MXI1: variants seen among roughly 807,000 people sequenced by gnomAD.
MXI1 encodes max-interacting protein 1.
Under a neutral mutation model 36.9 loss-of-function variants are expected in MXI1, and 18 were observed. That is an observed-to-expected ratio of 0.49 (90% CI 0.34 to 0.72). The LOEUF (loss-of-function observed/expected upper bound fraction) is 0.72, where lower values mean the gene tolerates loss of function less well. Among genes scored for constraint, MXI1 ranks in the 30% least tolerant of loss-of-function variants. The pLI, the probability that MXI1 is intolerant of heterozygous loss-of-function variation, is 0.01. For missense variants in MXI1, 304 were observed against 379.1 expected, an observed-to-expected ratio of 0.80 and a Z score of 1.64; for synonymous variants, 160 against 146.7, an observed-to-expected ratio of 1.09 and a Z score of -0.65.
rs112353989 is a variant in MXI1, at chr10:110,249,599, C to T, written c.437+4742C>T. ...GTCAAAAAAAAAAAAAAAGAAGGTA[C>T]ACTAATAGTGTTTTTCATACTGAAA... On this transcript the variant is annotated intron_variant, in intron 3 of 5. Coordinates refer to ENST00000332674, the MANE Select transcript of MXI1 (RefSeq NM_130439.3). Among the ~76,000 whole-genome samples the T allele has an allele frequency of 2.9e-3, 430 of 149,604 alleles. 1 individual carries two copies. Among genetic ancestry groups the T allele is most frequent in the Non-Finnish European group, 4.2e-3 (285 of 67,538 alleles).
At chr10:110,210,897 A>G (rs751938316) in intron 1 of MXI1, among the ~76,000 whole-genome samples, 16 of 152,174 alleles carry the variant, frequency 1.1e-4, no homozygotes, top group Non-Finnish European at 2.1e-4. Context: ...GTTTTGCTCC[A>G]GAGCTCTGCT....
intron 3 of MXI1, among the ~76,000 whole-genome samples, chr10:110,248,698 C>G (rs1224424365): frequency 2.0e-5 from 3 of 152,008 alleles, no homozygotes; most frequent in Non-Finnish European, 4.4e-5. Flanking sequence ...TTTATTAGCC[C>G]AAAGGACTAA....
At chr10:110,275,770 T>G (rs1209723551) in intron 3 of MXI1, among the ~76,000 whole-genome samples, 1 of 152,218 alleles carries the variant, frequency 6.6e-6, no homozygotes, top group Non-Finnish European at 1.5e-5. Context: ...CAGGTACACC[T>G]CTGTCCACAA....
rs974226066 is a variant in MXI1, at chr10:110,226,007, G to A, written c.275-2182G>A. 3 of 982,666 alleles carry A rather than the reference G, an allele frequency of 3.1e-6. No individual in the cohort carries two copies. In the African/African-American group the frequency reaches 5.3e-5, roughly 17 times the overall value. The allele number at this position is 982,666 out of a possible 1,614,324, so 60.9% of individuals were successfully genotyped here. A position where few individuals can be genotyped will look rare whatever the true frequency, so the allele number is the denominator to read the frequency against. On this transcript the variant is annotated intron_variant, in intron 1 of 5. Transcript: ENST00000332674. The stretch of plus-strand genomic sequence containing the variant: ...TCGCGGGGAGAGGTAAACAAACCAC[G>A]CGCGGGCTGCCCGCGGCACGGCGGG...
In MXI1 at chr10:110,285,747, T is replaced by C. The variant is rs1294842201; in HGVS notation, c.*760T>C. 2 of 152,284 alleles carry C rather than the reference T, an allele frequency of 1.3e-5. No homozygotes were observed. Among genetic ancestry groups the C allele is most frequent in the South Asian group, 2.1e-4 (1 of 4,828 alleles). 9.4% of individuals were successfully genotyped at this position (152,284 alleles called of 1,614,324 possible). ...AGCAGTCCATGCATGACAGCCTCTA[T>C]CCTACAAGGCCTATGAGTATGGATT... On this transcript the variant is annotated 3_prime_UTR_variant, in exon 6 of 6. Coordinates refer to ENST00000332674, the MANE Select transcript of MXI1 (RefSeq NM_130439.3).
chr10:110,260,067 A>G (rs1197171227), intron 3 of MXI1, among the ~76,000 whole-genome samples: 1 of 152,066 alleles, frequency 6.6e-6, no homozygotes, highest in Non-Finnish European at 1.5e-5. Flanking sequence ...AGGTTTTAAT[A>G]CTAAACATGA....
At chr10:110,227,286 C>A in intron 1 of MXI1, 1 of 731,280 alleles carries the variant, frequency 1.4e-6, no homozygotes, top group African/African-American at 5.2e-5. Context: ...GTGGGAGGGG[C>A]GTGCGCGTGT....
chr10:110,226,065 C>A, intron 1 of MXI1: 1 of 1,014,606 alleles, frequency 9.9e-7, no homozygotes, highest in African/African-American at 1.7e-5. Flanking sequence ...GCAGGGGCGG[C>A]GGAGAGCGCG....
At chr10:110,238,941 C>T (rs955886130) in intron 2 of MXI1, among the ~76,000 whole-genome samples, 1 of 152,090 alleles carries the variant, frequency 6.6e-6, no homozygotes, top group African/African-American at 2.4e-5. Context: ...ACTCTTGATA[C>T]TGTTTTTGTA....
chr10:110,282,938 A>G (rs1383272328), intron 5 of MXI1, among the ~76,000 whole-genome samples: 2 of 152,044 alleles, frequency 1.3e-5, no homozygotes, highest in Non-Finnish European at 2.9e-5. Flanking sequence ...TTGGCTTCCC[A>G]AAGTGCTGGG....
At chr10:110,232,207 G>A (rs1383744121) in intron 2 of MXI1, among the ~76,000 whole-genome samples, 2 of 152,076 alleles carry the variant, frequency 1.3e-5, no homozygotes, top group Non-Finnish European at 1.5e-5. Flanking sequence ...TGAACCGCCC[G>A]GCTTGGCCTC....
intron 5 of MXI1, among the ~76,000 whole-genome samples, chr10:110,283,044 T>C (rs554300188): frequency 6.6e-6 from 1 of 152,246 alleles, no homozygotes; most frequent in South Asian, 2.1e-4. Context: ...TATTATCTTC[T>C]AGTTGTAGGT....
intron 3 of MXI1, among the ~76,000 whole-genome samples, chr10:110,261,696 T>C (rs1856518494): frequency 1.3e-5 from 2 of 152,100 alleles, no homozygotes; most frequent in Admixed American, 1.3e-4. Context: ...ATTTCCAGTA[T>C]ACCATTGTGA....
chr10:110,258,844 A>G (rs1251865290), intron 3 of MXI1, among the ~76,000 whole-genome samples: 1 of 152,186 alleles, frequency 6.6e-6, no homozygotes, highest in East Asian at 1.9e-4. Context: ...TTTGTTAGAA[A>G]TAGTTCATTA....
intron 3 of MXI1, among the ~76,000 whole-genome samples, chr10:110,256,892 A>T (rs1202230841): frequency 1.3e-5 from 2 of 152,200 alleles, no homozygotes; most frequent in Non-Finnish European, 2.9e-5. Flanking sequence ...ACACTTTGCA[A>T]TTACTTAAGA....
chr10:110,276,226 G>T (rs901619919), intron 3 of MXI1, among the ~76,000 whole-genome samples: 1 of 151,682 alleles, frequency 6.6e-6, no homozygotes, highest in African/African-American at 2.4e-5. Flanking sequence ...GAAAATCCTC[G>T]CTTTTTCATA....
chr10:110,258,378 T>C (rs943751033), intron 3 of MXI1, among the ~76,000 whole-genome samples: 2 of 152,176 alleles, frequency 1.3e-5, no homozygotes, highest in South Asian at 4.1e-4. Context: ...AGAACACTTA[T>C]GTCTTGGAAA....
rs1437166251 is a variant in MXI1, at chr10:110,260,755, ACACT to A, written c.437+15901_437+15904del. Among the ~76,000 whole-genome samples the A allele has an allele frequency of 3.3e-5, 5 of 152,082 alleles. No individual in the cohort carries two copies. The East Asian group carries it at 9.6e-4, about 29-fold the overall frequency. ...CTCAAAGCTGTGTGTACACATACAC[ACACT>A]CATATGGATAGATATAGATACAAAT... is the stretch of plus-strand genomic sequence containing the variant. On this transcript the variant is annotated intron_variant, in intron 3 of 5. Transcript: ENST00000332674.
At chr10:110,254,950 TA>T (rs1856233102) in intron 3 of MXI1, among the ~76,000 whole-genome samples, 2 of 152,020 alleles carry the variant, frequency 1.3e-5, no homozygotes, top group African/African-American at 4.8e-5. Flanking sequence ...CTAGCTAAAA[TA>T]ATCAACGAAG....
Sources: allele counts gnomAD v4.1 joint callset (sites outside exome capture counted in the v4.1 genomes callset), GRCh38; gene constraint gnomAD v4.1.1; transcripts MANE v1.5; gene names NCBI Gene and HGNC (gene_info 2026-07-23, HGNC 2026-07-21).